Variants in ABCC9 observed in about 807,000 individuals in gnomAD.
ABCC9 encodes ATP-binding cassette sub-family C member 9.
ABCC9 carries 95 observed loss-of-function variants against 188.3 expected under a neutral mutation model. The observed-to-expected ratio is 0.50, with a 90% CI of 0.43 to 0.60. The LOEUF is 0.60. Ranked by LOEUF, ABCC9 falls within the 20% of genes least tolerant of loss-of-function variation. ABCC9 has a pLI of 0.00. For missense variants in ABCC9, 1,102 were observed against 1,876.3 expected, an observed-to-expected ratio of 0.59 and a Z score of 7.62; for synonymous variants, 659 against 652.7, an observed-to-expected ratio of 1.01 and a Z score of -0.15.
At chr12:21,913,162 TC>T in intron 7 of ABCC9, 96 bp from the exon 8 acceptor site, 2 of 1,083,416 alleles carry the variant, frequency 1.8e-6, no homozygotes, top group Non-Finnish European at 2.7e-6. Flanking sequence ...TTCTTATACT[TC>T]AAAAATACTT....
In ABCC9 at chr12:21,941,036, C is replaced by G. The variant is rs978296173; in HGVS notation, c.-137+164G>C. On this transcript the variant is annotated intron_variant, in intron 1 of 39. Coordinates refer to ENST00000261200, the MANE Select transcript of ABCC9 (RefSeq NM_020297.4). This position sits in a 1 kb window ranked among gnomAD's most constrained non-coding sequence, Gnocchi z 5.4. ...CTTCACTTCTCGAGCCGGGCCTCGT[C>G]CCTTAATTCTAGAAATAGCGATCGC... is the stretch of plus-strand genomic sequence containing the variant. Among the ~76,000 whole-genome samples, 2 of 152,188 alleles carry G rather than the reference C, an allele frequency of 1.3e-5. No homozygotes were observed. The highest frequency in any genetic ancestry group is 1.3e-4 in the Admixed American group (2 of 15,280).
chr12:21,815,242 T>C (rs1942525186), intron 34 of ABCC9, among the ~76,000 whole-genome samples: 1 of 151,722 alleles, frequency 6.6e-6, no homozygotes, highest in African/African-American at 2.4e-5. Context: ...GATTTCATTC[T>C]ATTTATTTTT....
Position 21,812,171 on chromosome 12 carries a change from AC to A in ABCC9, c.4103-15del, listed in dbSNP as rs752897619. 2 of 1,465,230 alleles carry A rather than the reference AC, an allele frequency of 1.4e-6. No individual in the cohort carries two copies. Among genetic ancestry groups the A allele is most frequent in the Admixed American group, 3.3e-5 (2 of 59,764 alleles). 90.8% of individuals were successfully genotyped at this position (1,465,230 alleles called of 1,614,324 possible). A position where few individuals can be genotyped will look rare whatever the true frequency, so the allele number is the denominator to read the frequency against. On this transcript the variant is annotated splice_polypyrimidine_tract_variant and intron_variant, in intron 35 of 39. Transcript: ENST00000261200. ...TGACAATTTTTCCTGTTAAGGAGAA[AC>A]AGAAGTTACACACACATAGTAAAAT...
At chr12:21,858,678 G>C (rs1051494883) in intron 22 of ABCC9, among the ~76,000 whole-genome samples, 2 of 152,122 alleles carry the variant, frequency 1.3e-5, no homozygotes, top group African/African-American at 2.4e-5. Flanking sequence ...TTTGGAGACA[G>C]GTATTCTTAG....
At chr12:21,807,523 C>T (rs1437207691) in intron 37 of ABCC9, 44 bp from the exon 38 acceptor site, 2 of 1,612,266 alleles carry the variant, frequency 1.2e-6, no homozygotes, top group African/African-American at 1.3e-5. Flanking sequence ...AGAAATGCTA[C>T]TAACATTTAC....
chr12:21,851,409 T>G (rs1397050800), intron 24 of ABCC9, among the ~76,000 whole-genome samples: 6 of 152,166 alleles, frequency 3.9e-5, no homozygotes, highest in African/African-American at 1.4e-4. Context: ...CCACTTATTA[T>G]ATATGCTGTA....
intron 5 of ABCC9, chr12:21,924,936 A>G (rs1247182503): frequency 6.6e-6 from 1 of 152,202 alleles, no homozygotes. Context: ...GACACAACAT[A>G]TAATTAAATA....
chr12:21,856,243 G>A (rs1321353521), intron 22 of ABCC9, among the ~76,000 whole-genome samples: 2 of 152,014 alleles, frequency 1.3e-5, no homozygotes, highest in African/African-American at 2.4e-5. Context: ...CAGATTCAAT[G>A]TATATAATAA....
At position 21,829,063 on chromosome 12, in the gene ABCC9, G is replaced by C. The variant is rs1394825827; in HGVS notation, c.3567-3C>G. On this transcript the variant is annotated splice_polypyrimidine_tract_variant and splice_region_variant and intron_variant, in intron 30 of 39. Transcript: ENST00000261200. ...GTTGTTTAAATCTGGTTTCATGCCT[G>C]CAGAAAACAAAAACACGATGTTAAC... 2 of 1,610,734 alleles carry C rather than the reference G, an allele frequency of 1.2e-6. No individual in the cohort carries two copies. The highest frequency in any genetic ancestry group is 1.7e-6 in the Non-Finnish European group (2 of 1,177,244).
At chr12:21,889,341 CATT>C (rs71444143) in intron 14 of ABCC9, among the ~76,000 whole-genome samples, 53,535 of 151,870 alleles carry the variant, frequency 0.35, 10,979 homozygotes, top group Middle Eastern at 0.47. Context: ...CGTTATGAAA[CATT>C]ATTTTATTCC....
intron 30 of ABCC9, among the ~76,000 whole-genome samples, chr12:21,832,628 AT>A (rs1470336900): frequency 2.0e-5 from 3 of 152,054 alleles, no homozygotes; most frequent in African/African-American, 7.2e-5. Context: ...AAAAAAAAAA[AT>A]AGATATTGAC....
In ABCC9 at chr12:21,799,099, G is replaced by A. The variant is rs2137072429; in HGVS notation, c.*1945C>T. The A allele has an allele frequency of 6.8e-6, 1 of 148,106 alleles. No individual in the cohort carries two copies. Among genetic ancestry groups the A allele is most frequent in the African/African-American group, 2.5e-5 (1 of 40,238 alleles). 9.2% of individuals were successfully genotyped at this position (148,106 alleles called of 1,614,324 possible). ...ATATCACACTCTGGGGACTGTGGTG[G>A]GGTGGGGGGAGTGGGGAGGGATAGC... On this transcript the variant is annotated 3_prime_UTR_variant, in exon 40 of 40. Transcript: ENST00000261200.
chr12:21,827,075 A>C, intron 31 of ABCC9: 1 of 975,118 alleles, frequency 1.0e-6, no homozygotes, highest in Non-Finnish European at 1.2e-6. Context: ...TACAGAGTCT[A>C]TTATATTTAG....
chr12:21,842,500 G>T, intron 28 of ABCC9, 29 bp from the exon 29 acceptor site: 2 of 1,609,366 alleles, frequency 1.2e-6, no homozygotes, highest in South Asian at 2.2e-5. Flanking sequence ...AGGAAAATAT[G>T]ATTAGCCCAG....
chr12:21,845,712 A>G lies in ABCC9; in HGVS notation c.2987T>C (p.Leu996Pro), dbSNP rs1944625838. 6.2e-7 allele frequency: 1 copy of G among 1,613,830 alleles called. No homozygotes were observed. The highest frequency in any genetic ancestry group is 8.5e-7 in the Non-Finnish European group (1 of 1,179,856). Residue 996 changes from leucine (L) to proline (P), a missense_variant, in exon 26 of 40, where the codon CTG becomes CCG. Physicochemically the swap from Leu to Pro is moderately conservative, Grantham distance 98 (BLOSUM62 -3). Transcript: ENST00000261200. ...CTTCAAAAGCTTAGAGAAAATCATC[A>G]GGATGAGCAGGAAGAATCCTCCAGA... ...LTSGGFFLLI[L>P]MIFSKLLKHS...
rs571790349 is a variant in ABCC9, at chr12:21,852,656, A to G, written c.2506-151T>C. On this transcript the variant is annotated intron_variant, in intron 22 of 39. Transcript: ENST00000261200. ...AAAGGATAAAGAAAAACTACCTGTC[A>G]GGTACCATGATTATTACCTGGGTGA... is the stretch of plus-strand genomic sequence containing the variant. 10 of 908,088 alleles carry G rather than the reference A, an allele frequency of 1.1e-5. No homozygotes were observed. The Admixed American group carries it at 2.3e-4, about 21-fold the overall frequency. The allele number at this position is 908,088 out of a possible 1,614,324, so 56.3% of individuals were successfully genotyped here.
In ABCC9 at chr12:21,842,340, GATAAA is replaced by G. The variant is rs1218564629; in HGVS notation, c.3442_3446del (p.Phe1148ProfsTer9). ...TAGAGGCAACCCGAAAGTATTTCTGGATAAAATAAAAGGCAACACCAAGGGGCAGG... is the reference window on the plus strand; with the variant it reads ...TAGAGGCAACCCGAAAGTATTTCTGGATAAAAGGCAACACCAAGGGGCAGG... On this transcript the variant is annotated frameshift_variant, in exon 29 of 40. Transcript: ENST00000261200. LOFTEE classifies it high-confidence loss of function. 1 of 1,613,910 alleles carries G rather than the reference GATAAA, an allele frequency of 6.2e-7. No individual in the cohort carries two copies. The highest frequency in any genetic ancestry group is 8.5e-7 in the Non-Finnish European group (1 of 1,179,994).
intron 4 of ABCC9, among the ~76,000 whole-genome samples, chr12:21,929,104 T>G (rs1459476736): frequency 6.6e-6 from 1 of 152,114 alleles, no homozygotes; most frequent in East Asian, 1.9e-4. Flanking sequence ...TTTTAGAATT[T>G]TGACAGATTA....
At position 21,799,784 on chromosome 12, in the gene ABCC9, T is replaced by C. The variant is rs139370710; in HGVS notation, c.*1260A>G. 45 of 152,304 alleles carry C rather than the reference T, an allele frequency of 3.0e-4. No homozygotes were observed. The highest frequency in any genetic ancestry group is 1.1e-3 in the African/African-American group (45 of 41,578). 9.4% of individuals were successfully genotyped at this position (152,304 alleles called of 1,614,324 possible). On this transcript the variant is annotated 3_prime_UTR_variant, in exon 40 of 40. Transcript: ENST00000261200. ...TCATATGAAAAAGAAATCAATGATATTGACACTGGATGGGCACAGAATAGT... is the reference window on the plus strand; with the variant it reads ...TCATATGAAAAAGAAATCAATGATACTGACACTGGATGGGCACAGAATAGT...
Sources: allele counts gnomAD v4.1 joint callset (sites outside exome capture counted in the v4.1 genomes callset), GRCh38; gene constraint gnomAD v4.1.1; non-coding constraint Gnocchi (gnomAD v3.1); transcripts MANE v1.5; gene names NCBI Gene and HGNC (gene_info 2026-07-23, HGNC 2026-07-21).